TYW1B: variants seen among roughly 807,000 people sequenced by gnomAD.
TYW1B encodes S-adenosyl-L-methionine-dependent tRNA 4-demethylwyosine synthase TYW1B.
A neutral mutation model predicts 86.9 loss-of-function variants in TYW1B; 73 were observed. That is an observed-to-expected ratio of 0.84 (90% CI 0.70 to 1.02). The LOEUF is 1.02. Ranked by LOEUF, TYW1B falls within the 50% of genes least tolerant of loss-of-function variation. TYW1B has a pLI of 0.00. For missense variants in TYW1B, 637 were observed against 827.4 expected (o/e 0.77, Z 2.82); for synonymous variants, 248 against 292.8 (o/e 0.85, Z 1.56).
chr7:72,585,070 T>C (rs2129567690), intron 13 of TYW1B, among the ~76,000 whole-genome samples: 1 of 152,276 alleles, frequency 6.6e-6, no homozygotes, highest in African/African-American at 2.4e-5. Context: ...AGGCAAGAGG[T>C]TGCAGATGAA....
rs1320768517 is a variant in TYW1B at position 72,575,796 on chromosome 7, G to T, written c.1786-77C>A. On this transcript the variant is annotated intron_variant, in intron 13 of 13. Coordinates refer to ENST00000620995, the MANE Select transcript of TYW1B (RefSeq NM_001145440.3). ...AAAAATGAATGTTTTTAAAAATCATGAACAAGTCTGATCTTTTCTCCCTAT... is the reference window on the plus strand; with the variant it reads ...AAAAATGAATGTTTTTAAAAATCATTAACAAGTCTGATCTTTTCTCCCTAT... 13 of 1,571,176 alleles carry T rather than the reference G, an allele frequency of 8.3e-6. No individual in the cohort carries two copies. The Admixed American group carries it at 1.7e-4, about 21-fold the overall frequency.
intron 7 of TYW1B, among the ~76,000 whole-genome samples, chr7:72,744,826 A>G (rs1787367515): frequency 6.6e-6 from 1 of 152,200 alleles, no homozygotes; most frequent in Non-Finnish European, 1.5e-5. Flanking sequence ...TTAACTCTGA[A>G]AACTCTACAG....
chr7:72,765,109 A>G (rs1279578333), intron 7 of TYW1B, among the ~76,000 whole-genome samples: 1 of 152,214 alleles, frequency 6.6e-6, no homozygotes, highest in African/African-American at 2.4e-5. Flanking sequence ...GAAAATGTGC[A>G]TTGAATGCCT....
intron 13 of TYW1B, among the ~76,000 whole-genome samples, chr7:72,603,328 AT>A (rs1554434250): frequency 2.7e-5 from 4 of 150,248 alleles, no homozygotes; most frequent in Non-Finnish European, 3.0e-5. Flanking sequence ...TAGATGATGG[AT>A]GGATGGATGG....
Position 72,577,721 on chromosome 7 carries a change from G to A in TYW1B, c.1786-2002C>T, listed in dbSNP as rs1554429014. On this transcript the variant is annotated intron_variant, in intron 13 of 13. Transcript: ENST00000620995. ...GGCTTCTCTCAACTTCACACAGACG[G>A]CCTGAGACTGTGCCGACAGCAGAAT... 2.6e-5 allele frequency among the ~76,000 whole-genome samples: 4 copies of A among 152,180 alleles called. No individual in the cohort carries two copies. In the South Asian group the frequency reaches 8.3e-4, roughly 32 times the overall value.
intron 6 of TYW1B, among the ~76,000 whole-genome samples, chr7:72,787,940 G>A (rs182027168): frequency 1.4e-4 from 21 of 151,112 alleles, no homozygotes; most frequent in Non-Finnish European, 2.4e-4. Context: ...TTATAATCTC[G>A]CTGGACCAGA....
At chr7:72,645,988 A>G (rs1446451515) in intron 11 of TYW1B, among the ~76,000 whole-genome samples, 3 of 148,400 alleles carry the variant, frequency 2.0e-5, no homozygotes, top group African/African-American at 7.3e-5. Flanking sequence ...TACATATGTT[A>G]TATGTTATAT....
intron 11 of TYW1B, among the ~76,000 whole-genome samples, chr7:72,632,896 G>A (rs11770238): frequency 0.19 from 28,014 of 149,066 alleles, no homozygotes; most frequent in South Asian, 0.24. Context: ...TACACAGCTG[G>A]AGGGCAGCAA....
rs1328534620 is a variant in TYW1B, at chr7:72,811,931, AAAAAGG to A, written c.238-1272_238-1267del. On this transcript the variant is annotated intron_variant, in intron 3 of 13. Transcript: ENST00000620995. The stretch of plus-strand genomic sequence containing the variant: ...GAAGACTCCATCTCAAAAAAAAAAA[AAAAAGG>A]AAAAGAAAAGAAAAAATACAGAGAG... 4.7e-5 allele frequency among the ~76,000 whole-genome samples: 7 copies of A among 149,392 alleles called. 1 individual carries two copies. The highest frequency in any genetic ancestry group is 4.9e-5 in the African/African-American group (2 of 40,840).
chr7:72,668,599 T>A (rs1554445746), intron 11 of TYW1B, among the ~76,000 whole-genome samples: 1 of 152,180 alleles, frequency 6.6e-6, no homozygotes, highest in African/African-American at 2.4e-5. Context: ...GGAACTGAAC[T>A]GCTCCACAAG....
At chr7:72,608,696 C>T (rs1170035319) in intron 13 of TYW1B, among the ~76,000 whole-genome samples, 8 of 152,152 alleles carry the variant, frequency 5.3e-5, no homozygotes, top group Admixed American at 2.6e-4. Context: ...AAAACATATA[C>T]CATGCAAACA....
intron 1 of TYW1B, among the ~76,000 whole-genome samples, chr7:72,827,216 T>C (rs188300649): frequency 0.015 from 2,222 of 152,186 alleles, 64 homozygotes; most frequent in African/African-American, 0.05. Context: ...GAGACCAGCC[T>C]GGCCAACATG....
intron 5 of TYW1B, among the ~76,000 whole-genome samples, chr7:72,805,284 T>C (rs1204362530): frequency 7.4e-6 from 1 of 136,028 alleles, no homozygotes; most frequent in African/African-American, 2.6e-5. Flanking sequence ...AGTGCTGGGA[T>C]TACAGGCGTG....
At position 72,807,234 on chromosome 7, in the gene TYW1B, T is replaced by A. The variant is rs782161078; in HGVS notation, c.555A>T (p.Ala185=). ...KHGSIEANFR[A]WKTKFISQLQ... Reference sequence around the variant, plus strand: ...GCTGGGAGATGAACTTGGTCTTCCATGCTCTGAAGTTGGCCTCAATGCTGC... The same window carrying A: ...GCTGGGAGATGAACTTGGTCTTCCAAGCTCTGAAGTTGGCCTCAATGCTGC... Residue 185 remains alanine, a synonymous_variant, in exon 5 of 14, where the codon GCA becomes GCT. Coordinates refer to ENST00000620995, the MANE Select transcript of TYW1B (RefSeq NM_001145440.3). 2 of 1,614,070 alleles carry A rather than the reference T, an allele frequency of 1.2e-6. No homozygotes were observed. The highest frequency in any genetic ancestry group is 4.5e-5 in the East Asian group (2 of 44,900).
At chr7:72,619,647 CAA>C (rs34309451) in intron 12 of TYW1B, among the ~76,000 whole-genome samples, 11 of 68,758 alleles carry the variant, frequency 1.6e-4, no homozygotes, top group African/African-American at 3.9e-4. Flanking sequence ...GACTCCGTCT[CAA>C]AAAAAAAAAA....
chr7:72,589,863 C>T lies in TYW1B; in HGVS notation c.1786-14144G>A, dbSNP rs553781188. ...TGCACTCCAGCCTGGGCAACCAGAG[C>T]GAAACTCTGTCTCAAAAATAAACAA... On this transcript the variant is annotated intron_variant, in intron 13 of 13. Coordinates refer to ENST00000620995, the MANE Select transcript of TYW1B (RefSeq NM_001145440.3). Among the ~76,000 whole-genome samples, 251 of 152,054 alleles carry T rather than the reference C, an allele frequency of 1.7e-3. 2 individuals carry two copies. Among genetic ancestry groups the T allele is most frequent in the African/African-American group, 5.4e-3 (226 of 41,476 alleles).
chr7:72,800,900 GA>G (rs1554475476), intron 6 of TYW1B, among the ~76,000 whole-genome samples: 1 of 152,066 alleles, frequency 6.6e-6, no homozygotes, highest in African/African-American at 2.4e-5. Flanking sequence ...TATATTAAGA[GA>G]ACTGATATGT....
At chr7:72,822,850 C>G (rs1554480730) in intron 2 of TYW1B, 1 of 152,098 alleles carries the variant, frequency 6.6e-6, no homozygotes, top group East Asian at 1.9e-4. Flanking sequence ...TTTAATTAGC[C>G]CAGCATGGTG....
rs528429601 is a variant in TYW1B at position 72,723,716 on chromosome 7, G to A, written c.1192+5106C>T. ...TTGAGCCCAGGAGGTTGAGGCTGCAGTGAGCTATGATCATGCCATTGCATT... is the reference window on the plus strand; with the variant it reads ...TTGAGCCCAGGAGGTTGAGGCTGCAATGAGCTATGATCATGCCATTGCATT... On this transcript the variant is annotated intron_variant, in intron 9 of 13. Coordinates refer to ENST00000620995, the MANE Select transcript of TYW1B (RefSeq NM_001145440.3). Among the ~76,000 whole-genome samples, 120 of 152,272 alleles carry A rather than the reference G, an allele frequency of 7.9e-4. 1 individual carries two copies. Among genetic ancestry groups the A allele is most frequent in the African/African-American group, 2.8e-3 (117 of 41,570 alleles).
Sources: gnomAD v4.1 joint callset for allele counts (sites outside exome capture counted in the v4.1 genomes callset) on GRCh38, gnomAD v4.1.1 for gene constraint, MANE v1.5 for transcripts, NCBI Gene and HGNC (gene_info 2026-07-23, HGNC 2026-07-21) for gene names.